LDLRAD4: variants seen among roughly 807,000 people sequenced by gnomAD.
The protein encoded by LDLRAD4 is low density lipoprotein receptor class A domain containing 4, also known as low-density lipoprotein receptor class A domain-containing protein 4.
Under a neutral mutation model 17.0 loss-of-function variants are expected in LDLRAD4, and 5 were observed. That is an observed-to-expected ratio of 0.29 (90% CI 0.15 to 0.62). The LOEUF is 0.62. Among genes scored for constraint, LDLRAD4 ranks in the 20% least tolerant of loss-of-function variants. The pLI is 0.84. For synonymous variants in LDLRAD4, 168 were observed against 171.8 expected (o/e 0.98, Z 0.17); for missense variants, 340 against 424.7 (o/e 0.80, Z 1.75).
intron 2 of LDLRAD4, among the ~76,000 whole-genome samples, chr18:13,432,191 A>G (rs1412668912): frequency 6.6e-6 from 1 of 152,182 alleles, no homozygotes; most frequent in Non-Finnish European, 1.5e-5. Flanking sequence ...GTCAGTTCCC[A>G]TGCTGTCAAA....
At chr18:13,239,635 A>G (rs1306711626) in intron 1 of LDLRAD4, 1 of 152,316 alleles carries the variant, frequency 6.6e-6, no homozygotes, top group Non-Finnish European at 1.5e-5. Context: ...CAGTAGGCTC[A>G]GAACAGCTGC....
At chr18:13,496,841 A>G (rs1052886454) in intron 3 of LDLRAD4, among the ~76,000 whole-genome samples, 4 of 152,244 alleles carry the variant, frequency 2.6e-5, no homozygotes, top group Admixed American at 1.3e-4. Flanking sequence ...CCACACGTCT[A>G]TTTGTCCAGC....
intron 3 of LDLRAD4, among the ~76,000 whole-genome samples, chr18:13,594,743 A>G (rs2095074128): frequency 1.3e-5 from 2 of 151,730 alleles, no homozygotes; most frequent in African/African-American, 4.8e-5. Flanking sequence ...TCATAGTCAT[A>G]CTAGAATGAG....
intron 2 of LDLRAD4, among the ~76,000 whole-genome samples, chr18:13,422,002 A>G (rs1315731558): frequency 6.6e-6 from 1 of 152,096 alleles, no homozygotes; most frequent in African/African-American, 2.4e-5. Context: ...CTCATTACAC[A>G]CCAGTTACGG....
At chr18:13,463,058 T>G (rs2092486997) in intron 3 of LDLRAD4, among the ~76,000 whole-genome samples, 1 of 152,062 alleles carries the variant, frequency 6.6e-6, no homozygotes, top group Non-Finnish European at 1.5e-5. Context: ...GTGGTCCCGC[T>G]GGGGGGCCCG....
chr18:13,398,476 C>T lies in LDLRAD4; in HGVS notation c.40+10714C>T, dbSNP rs2086885185. 6.6e-6 allele frequency among the ~76,000 whole-genome samples: 1 copy of T among 151,962 alleles called. No individual in the cohort carries two copies. Among genetic ancestry groups the T allele is most frequent in the Non-Finnish European group, 1.5e-5 (1 of 68,004 alleles). On this transcript the variant is annotated intron_variant, in intron 2 of 5. Coordinates refer to ENST00000359446, the Ensembl canonical transcript of LDLRAD4. The surrounding 1 kb of genome is among the most constrained non-coding windows in gnomAD (Gnocchi z 4.8). ...GAAAAAAAAGAAAATTGCTGAAATACCATTGAGCTTATCAGAAGAGCTCAG... is the reference window on the plus strand; with the variant it reads ...GAAAAAAAAGAAAATTGCTGAAATATCATTGAGCTTATCAGAAGAGCTCAG...
chr18:13,248,239 G>A (rs955208019), intron 1 of LDLRAD4, among the ~76,000 whole-genome samples: 2 of 152,208 alleles, frequency 1.3e-5, no homozygotes, highest in African/African-American at 2.4e-5. Context: ...GGGACTACAG[G>A]CGCGAGCCAC....
chr18:13,373,023 C>A (rs2084634388), intron 1 of LDLRAD4, among the ~76,000 whole-genome samples: 1 of 152,222 alleles, frequency 6.6e-6, no homozygotes. Flanking sequence ...TGGCTAGGGT[C>A]TCGCAGACTA....
At chr18:13,624,202 C>T (rs554549246) in intron 4 of LDLRAD4, among the ~76,000 whole-genome samples, 1 of 130,748 alleles carries the variant, frequency 7.6e-6, no homozygotes, top group Admixed American at 7.7e-5. Context: ...CTGAGCACTG[C>T]CGGACCCAGG....
At chr18:13,356,740 C>T (rs900226694) in intron 1 of LDLRAD4, among the ~76,000 whole-genome samples, 1 of 152,168 alleles carries the variant, frequency 6.6e-6, no homozygotes, top group African/African-American at 2.4e-5. Flanking sequence ...CAGGAGCACC[C>T]CCTGTCTTGA....
intron 4 of LDLRAD4, among the ~76,000 whole-genome samples, chr18:13,635,676 G>T (rs1181632903): frequency 6.6e-6 from 1 of 152,224 alleles, no homozygotes; most frequent in East Asian, 1.9e-4. Flanking sequence ...AAGTGTAAAG[G>T]AGTCTGAAAA....
intron 1 of LDLRAD4, among the ~76,000 whole-genome samples, chr18:13,285,246 G>A (rs1282322318): frequency 1.3e-5 from 2 of 152,194 alleles, no homozygotes; most frequent in African/African-American, 2.4e-5. Flanking sequence ...GAATGCCAGG[G>A]CTTTGATAGG....
At chr18:13,246,396 G>A (rs937291295) in intron 1 of LDLRAD4, among the ~76,000 whole-genome samples, 2 of 152,238 alleles carry the variant, frequency 1.3e-5, no homozygotes, top group East Asian at 1.9e-4. Flanking sequence ...CAGTAACACC[G>A]TCGTGTTACC....
chr18:13,642,527 C>T (rs1601884024), intron 4 of LDLRAD4: 1 of 1,227,492 alleles, frequency 8.1e-7, no homozygotes, highest in Non-Finnish European at 1.0e-6. Context: ...GAAGTTGCAT[C>T]TGCCCTGTGA....
At chr18:13,266,864 A>AGTTGAAATGAACAGGAAGAGAGTTGAAAT (rs1443166920) in intron 1 of LDLRAD4, among the ~76,000 whole-genome samples, 1 of 152,278 alleles carries the variant, frequency 6.6e-6, no homozygotes, top group Non-Finnish European at 1.5e-5. Flanking sequence ...TGAAATGAAC[A>AGTTGAAATGAACAGGAAGAGAGTTGAAAT]GAATTCTGAG....
At chr18:13,551,599 G>C (rs1029978532) in intron 3 of LDLRAD4, among the ~76,000 whole-genome samples, 7 of 152,160 alleles carry the variant, frequency 4.6e-5, no homozygotes, top group Non-Finnish European at 8.8e-5. Context: ...TGAGCAGACA[G>C]GATGGCATCA....
chr18:13,509,475 T>A (rs530923650), intron 3 of LDLRAD4, among the ~76,000 whole-genome samples: 2 of 152,236 alleles, frequency 1.3e-5, no homozygotes, highest in Non-Finnish European at 2.9e-5. Context: ...TGTGACTGAA[T>A]TGCTGCAACC....
chr18:13,433,042 T>C (rs190057576), intron 2 of LDLRAD4, among the ~76,000 whole-genome samples: 45 of 152,340 alleles, frequency 3.0e-4, no homozygotes, highest in Non-Finnish European at 5.4e-4. Context: ...TTATAGGATA[T>C]CTTACACCTT....
chr18:13,424,113 C>T (rs911979344), intron 2 of LDLRAD4, among the ~76,000 whole-genome samples: 4 of 147,578 alleles, frequency 2.7e-5, no homozygotes, highest in East Asian at 4.1e-4. Flanking sequence ...CCAGCCTGGG[C>T]GACGAGAGTG....
Sources: gnomAD v4.1 joint callset for allele counts (sites outside exome capture counted in the v4.1 genomes callset) on GRCh38, gnomAD v4.1.1 for gene constraint, Gnocchi (gnomAD v3.1) non-coding constraint, MANE v1.5 for transcripts, NCBI Gene and HGNC (gene_info 2026-07-23, HGNC 2026-07-21) for gene names.